EYS: variants seen among roughly 807,000 people sequenced by gnomAD.
EYS encodes EGF-like photoreceptor maintenance factor.
EYS carries 250 observed loss-of-function variants against 282.1 expected under a neutral mutation model. The ratio of observed to expected loss-of-function variants is 0.89; its 90% CI spans 0.80 to 0.98. EYS has a LOEUF of 0.98. EYS is among the 50% of genes least tolerant of loss of function. EYS has a pLI of 0.00. For synonymous variants in EYS, 1,355 were observed against 1,282.9 expected, an observed-to-expected ratio of 1.06 and a Z score of -1.20; for missense variants, 4,016 against 3,709.0, an observed-to-expected ratio of 1.08 and a Z score of -2.15.
At chr6:64,396,093 TACTC>T (rs1022846226) in intron 28 of EYS, among the ~76,000 whole-genome samples, 11 of 151,864 alleles carry the variant, frequency 7.2e-5, no homozygotes, top group African/African-American at 2.2e-4. Flanking sequence ...CGCACACACA[TACTC>T]TCTCTCACAA....
chr6:64,550,375 T>A (rs1765034130), intron 26 of EYS, among the ~76,000 whole-genome samples: 1 of 152,066 alleles, frequency 6.6e-6, no homozygotes, highest in Non-Finnish European at 1.5e-5. Flanking sequence ...TGTTCCTATT[T>A]CTCCACATCC....
intron 30 of EYS, among the ~76,000 whole-genome samples, chr6:64,296,194 T>C (rs1768978292): frequency 6.6e-6 from 1 of 152,178 alleles, no homozygotes; most frequent in South Asian, 2.1e-4. Flanking sequence ...CTATTAAAAC[T>C]CTTCTATCTT....
intron 19 of EYS, among the ~76,000 whole-genome samples, chr6:64,826,430 A>G (rs1472362487): frequency 2.6e-5 from 4 of 151,728 alleles, no homozygotes; most frequent in Admixed American, 6.6e-5. Context: ...TTTTTTAAGC[A>G]GATTGGAAGG....
chr6:64,236,988 C>T (rs1207958052), intron 30 of EYS, among the ~76,000 whole-genome samples: 1 of 152,004 alleles, frequency 6.6e-6, no homozygotes, highest in African/African-American at 2.4e-5. Flanking sequence ...ATCCTGGCAT[C>T]ATAAACTCTT....
At chr6:64,008,781 G>A (rs1013770713) in intron 33 of EYS, among the ~76,000 whole-genome samples, 1 of 152,188 alleles carries the variant, frequency 6.6e-6, no homozygotes, top group African/African-American at 2.4e-5. Flanking sequence ...TAAGAATGGT[G>A]AATATAGGCC....
chr6:65,413,686 G>A (rs1359160832), intron 5 of EYS, among the ~76,000 whole-genome samples: 2 of 151,742 alleles, frequency 1.3e-5, no homozygotes, highest in South Asian at 2.1e-4. Flanking sequence ...GGTGAAACCC[G>A]TCTCTACTAA....
intron 11 of EYS, among the ~76,000 whole-genome samples, chr6:65,314,342 C>G (rs1420908488): frequency 6.9e-6 from 1 of 144,908 alleles, no homozygotes; most frequent in East Asian, 2.0e-4. Context: ...TAAATATAAG[C>G]TCCATGAAAT....
chr6:65,183,401 A>G (rs1765439842), intron 12 of EYS, among the ~76,000 whole-genome samples: 1 of 151,912 alleles, frequency 6.6e-6, no homozygotes, highest in South Asian at 2.1e-4. Flanking sequence ...ATATATTCCT[A>G]TTTATAATTC....
At chr6:64,798,609 T>TG (rs1554204247) in intron 22 of EYS, among the ~76,000 whole-genome samples, 1 of 128,310 alleles carries the variant, frequency 7.8e-6, no homozygotes, top group Non-Finnish European at 1.6e-5. Flanking sequence ...TGTTTCTGGT[T>TG]TTTTTTTTTT....
chr6:63,791,047 T>G (rs1770497041), intron 37 of EYS, among the ~76,000 whole-genome samples: 1 of 152,112 alleles, frequency 6.6e-6, no homozygotes, highest in Non-Finnish European at 1.5e-5. Flanking sequence ...TTGTTTCAAG[T>G]TCCACGAAGA....
At chr6:65,454,988 C>T (rs186572567) in intron 5 of EYS, among the ~76,000 whole-genome samples, 184 of 151,932 alleles carry the variant, frequency 1.2e-3, no homozygotes, top group African/African-American at 3.4e-3. Context: ...GGCTATTTAG[C>T]GTCTTTTTGT....
At chr6:65,438,375 A>ATAT (rs1768169139) in intron 5 of EYS, among the ~76,000 whole-genome samples, 3 of 152,170 alleles carry the variant, frequency 2.0e-5, no homozygotes, top group Non-Finnish European at 2.9e-5. Context: ...TATACCCAGT[A>ATAT]ACGGGATGGC....
intron 2 of EYS, among the ~76,000 whole-genome samples, chr6:65,633,183 C>A (rs114383980): frequency 0.026 from 3,886 of 152,248 alleles, 123 homozygotes; most frequent in African/African-American, 0.076. Flanking sequence ...TTTTGTATAT[C>A]TAATGCTTTC....
chr6:64,594,174 T>C (rs1215629124), intron 24 of EYS, among the ~76,000 whole-genome samples: 3 of 152,158 alleles, frequency 2.0e-5, no homozygotes, highest in African/African-American at 7.2e-5. Flanking sequence ...GTAGTCACTT[T>C]CAACTCACAC....
intron 36 of EYS, among the ~76,000 whole-genome samples, chr6:63,810,717 T>C (rs1302915325): frequency 2.0e-5 from 3 of 152,188 alleles, no homozygotes; most frequent in East Asian, 1.9e-4. Flanking sequence ...AACATACAAT[T>C]CAAGTGGGCA....
chr6:65,271,128 T>TTATATATATATATATATATATATA (rs70999188), intron 12 of EYS, among the ~76,000 whole-genome samples: 2,374 of 55,414 alleles, frequency 0.043, 402 homozygotes, highest in Non-Finnish European at 0.053. Flanking sequence ...AATCAATAGA[T>TTATATATATATATATATATATATA]TATATATATA....
At chr6:64,699,147 A>G (rs940053104) in intron 22 of EYS, among the ~76,000 whole-genome samples, 1 of 152,236 alleles carries the variant, frequency 6.6e-6, no homozygotes, top group Non-Finnish European at 1.5e-5. Flanking sequence ...AGCCATAAAA[A>G]AAGAACAAGA....
At chr6:64,010,806 A>T (rs1476806383) in intron 33 of EYS, among the ~76,000 whole-genome samples, 1 of 152,154 alleles carries the variant, frequency 6.6e-6, no homozygotes, top group East Asian at 1.9e-4. Context: ...TCCTACAATG[A>T]TACTGGAAAT....
At chr6:64,270,082 C>T (rs577893001) in intron 30 of EYS, among the ~76,000 whole-genome samples, 28 of 152,160 alleles carry the variant, frequency 1.8e-4, no homozygotes, top group South Asian at 8.3e-4. Flanking sequence ...GGCTGAAAAA[C>T]ACAAAATGCA....
Sources: gnomAD v4.1 joint callset for allele counts (sites outside exome capture counted in the v4.1 genomes callset) on GRCh38, gnomAD v4.1.1 for gene constraint, MANE v1.5 for transcripts, NCBI Gene and HGNC (gene_info 2026-07-23, HGNC 2026-07-21) for gene names.